The following NCALD variants were observed in gnomAD, a reference collection of about 807,000 sequenced individuals.
NCALD encodes the protein neurocalcin-delta.
In NCALD, 10 loss-of-function variants were observed where a neutral mutation model predicts 18.6. The observed-to-expected ratio is 0.54, with a 90% confidence interval of 0.33 to 0.91. The LOEUF is 0.91. Among genes scored for constraint, NCALD ranks in the 40% least tolerant of loss-of-function variants. The pLI is 0.03. For missense variants in NCALD, 184 were observed against 247.6 expected (o/e 0.74, Z 1.72); for synonymous variants, 88 against 87.4 (o/e 1.01, Z -0.04).
intron 4 of NCALD, chr8:101,871,907 G>T: frequency 1.4e-6 from 1 of 692,172 alleles, no homozygotes; most frequent in Non-Finnish European, 2.6e-6. Context: ...CCTTCAATCG[G>T]CTTCTTAGGG....
At chr8:102,027,082 TTTTC>T (rs1251252829) in intron 1 of NCALD, among the ~76,000 whole-genome samples, 1 of 152,100 alleles carries the variant, frequency 6.6e-6, no homozygotes, top group Admixed American at 6.5e-5. Flanking sequence ...ACAAAACCAT[TTTTC>T]CCTCCTAGGC....
intron 1 of NCALD, among the ~76,000 whole-genome samples, chr8:101,768,377 A>G (rs1811436657): frequency 2.5e-5 from 2 of 81,104 alleles, no homozygotes. Context: ...TAACTCCTTC[A>G]GAGTTGTAGG....
chr8:102,059,164 G>A (rs191052532), intron 1 of NCALD, among the ~76,000 whole-genome samples: 18 of 152,252 alleles, frequency 1.2e-4, no homozygotes, highest in Non-Finnish European at 2.5e-4. Context: ...CCTTTACCTA[G>A]AACATTCTCT....
At chr8:102,088,572 A>G (rs1824818536) in intron 1 of NCALD, among the ~76,000 whole-genome samples, 1 of 152,026 alleles carries the variant, frequency 6.6e-6, no homozygotes, top group South Asian at 2.1e-4. Context: ...AAAAAAAAGA[A>G]CAACCTCTGT....
At chr8:101,724,959 C>A (rs1816508774) in intron 1 of NCALD, among the ~76,000 whole-genome samples, 1 of 152,144 alleles carries the variant, frequency 6.6e-6, no homozygotes, top group Non-Finnish European at 1.5e-5. Flanking sequence ...TCATTTATTC[C>A]ACAAACAGGC....
chr8:102,106,447 A>G (rs529596432), intron 1 of NCALD, among the ~76,000 whole-genome samples: 2,735 of 84,836 alleles, frequency 0.032, 105 homozygotes, highest in African/African-American at 0.092. Context: ...AGCATATAGT[A>G]TATATATATA....
intron 1 of NCALD, among the ~76,000 whole-genome samples, chr8:102,041,554 G>A (rs1280787500): frequency 1.3e-5 from 2 of 152,214 alleles, no homozygotes; most frequent in Non-Finnish European, 2.9e-5. Flanking sequence ...CCCCCACAGT[G>A]AACCACGTAT....
At chr8:102,074,322 C>T (rs1033996934) in intron 1 of NCALD, among the ~76,000 whole-genome samples, 1 of 152,172 alleles carries the variant, frequency 6.6e-6, no homozygotes, top group Non-Finnish European at 1.5e-5. Context: ...GTTGGTTAAG[C>T]TATCAAGTGG....
chr8:102,043,020 A>C (rs1239821921), intron 1 of NCALD, among the ~76,000 whole-genome samples: 2 of 151,922 alleles, frequency 1.3e-5, no homozygotes, highest in Admixed American at 1.3e-4. Flanking sequence ...GAGAACATGA[A>C]GAAAGTAGCC....
At chr8:101,864,756 A>T (rs1444860634) in intron 4 of NCALD, among the ~76,000 whole-genome samples, 1 of 151,948 alleles carries the variant, frequency 6.6e-6, no homozygotes, top group African/African-American at 2.4e-5. Flanking sequence ...CACTACGCCC[A>T]GCTAGTTTTT....
intron 2 of NCALD, among the ~76,000 whole-genome samples, chr8:102,004,681 G>C (rs1821624481): frequency 6.6e-6 from 1 of 152,042 alleles, no homozygotes; most frequent in African/African-American, 2.4e-5. Flanking sequence ...CCAAAACAGA[G>C]ATACAGACCA....
intron 2 of NCALD, among the ~76,000 whole-genome samples, chr8:101,967,668 T>A (rs759782779): frequency 3.3e-5 from 5 of 152,020 alleles, no homozygotes; most frequent in Non-Finnish European, 7.4e-5. Context: ...CAAGGCCTAA[T>A]GGGTTATCAA....
At chr8:102,049,022 G>C (rs1246119452) in intron 1 of NCALD, among the ~76,000 whole-genome samples, 1 of 152,166 alleles carries the variant, frequency 6.6e-6, no homozygotes, top group East Asian at 1.9e-4. Flanking sequence ...TAATTTGTCT[G>C]CTTATCATAT....
intron 4 of NCALD, among the ~76,000 whole-genome samples, chr8:101,880,346 C>T (rs1306500527): frequency 1.3e-5 from 2 of 152,184 alleles, no homozygotes; most frequent in Non-Finnish European, 2.9e-5. Context: ...TGCTGGCCCA[C>T]GATCGCCAGG....
At chr8:101,959,991 A>T (rs561983671) in intron 2 of NCALD, among the ~76,000 whole-genome samples, 1 of 152,102 alleles carries the variant, frequency 6.6e-6, no homozygotes, top group East Asian at 1.9e-4. Flanking sequence ...CCTATTCCAC[A>T]ATACCTAGGC....
At chr8:101,911,524 A>C (rs960134558) in intron 3 of NCALD, among the ~76,000 whole-genome samples, 2 of 151,418 alleles carry the variant, frequency 1.3e-5, no homozygotes. Flanking sequence ...TGCCCGGCGA[A>C]TTTTTGTATT....
At chr8:101,846,318 C>A (rs1296530600) in intron 4 of NCALD, among the ~76,000 whole-genome samples, 2 of 152,218 alleles carry the variant, frequency 1.3e-5, no homozygotes, top group African/African-American at 4.8e-5. Context: ...CCTTTCTCCA[C>A]AATCTTGCCA....
intron 1 of NCALD, among the ~76,000 whole-genome samples, chr8:102,042,737 C>T (rs1586968714): frequency 2.1e-5 from 3 of 143,852 alleles, no homozygotes; most frequent in East Asian, 4.0e-4. Flanking sequence ...TTATCTGCAT[C>T]GCAGAAGCTA....
chr8:101,783,035 T>C (rs116181801), intron 1 of NCALD, among the ~76,000 whole-genome samples: 5,615 of 152,256 alleles, frequency 0.037, 344 homozygotes, highest in African/African-American at 0.13. Flanking sequence ...TATTGAAAAG[T>C]CTGGGTGATT....
Sources: allele counts gnomAD v4.1 joint callset (sites outside exome capture counted in the v4.1 genomes callset), GRCh38; gene constraint gnomAD v4.1.1; transcripts MANE v1.5; gene names NCBI Gene and HGNC (gene_info 2026-07-23, HGNC 2026-07-21).